NAALADL2: variants seen among roughly 807,000 people sequenced by gnomAD.
NAALADL2 encodes the protein inactive N-acetylated-alpha-linked acidic dipeptidase-like protein 2.
Under a neutral mutation model 87.2 loss-of-function variants are expected in NAALADL2, and 76 were observed. That is an observed-to-expected ratio of 0.87 (90% CI 0.72 to 1.05). NAALADL2 has a LOEUF of 1.05. Ranked by LOEUF, NAALADL2 falls within the 50% of genes least tolerant of loss-of-function variation. The pLI is 0.00. For synonymous variants in NAALADL2, 354 were observed against 331.0 expected (o/e 1.07, Z -0.75); for missense variants, 1,089 against 945.8 (o/e 1.15, Z -1.99).
At chr3:175,305,341 T>C (rs1478121608) in intron 4 of NAALADL2, among the ~76,000 whole-genome samples, 1 of 152,000 alleles carries the variant, frequency 6.6e-6, no homozygotes, top group African/African-American at 2.4e-5. Flanking sequence ...ATTATTAAAC[T>C]GTTAAATTCC....
In NAALADL2 at chr3:175,178,230, A is replaced by G. The variant is rs186316440; in HGVS notation, c.546-55701A>G. ...ACAAGGTAAGTGCTTTGTTGGTGTT[A>G]GTTATATAATTATTATTATAATAGA... is the stretch of plus-strand genomic sequence containing the variant. On this transcript the variant is annotated intron_variant, in intron 2 of 13. Transcript: ENST00000454872. Among the ~76,000 whole-genome samples, 414 of 152,168 alleles carry G rather than the reference A, an allele frequency of 2.7e-3. 3 individuals carry two copies. Among genetic ancestry groups the G allele is most frequent in the African/African-American group, 9.5e-3 (394 of 41,554 alleles).
chr3:175,755,037 A>G (rs1406140024), intron 12 of NAALADL2, among the ~76,000 whole-genome samples, 183 bp from the exon 13 acceptor site: 1 of 152,212 alleles, frequency 6.6e-6, no homozygotes, highest in Non-Finnish European at 1.5e-5. Flanking sequence ...GGTAAGATTC[A>G]AACACATATA....
chr3:175,529,185 T>C (rs1177991139), intron 9 of NAALADL2, among the ~76,000 whole-genome samples: 1 of 152,186 alleles, frequency 6.6e-6, no homozygotes, highest in Non-Finnish European at 1.5e-5. Flanking sequence ...TGTGAAGTAG[T>C]AGACTGATTT....
Position 174,584,456 on chromosome 3 carries a change from T to G in NAALADL2, c.-115+33819T>G, listed in dbSNP as rs181230598. Reference sequence around the variant, plus strand: ...TTTTAGTACATCAGATTTATTTTTCTTTTTATCATGTATATGTTAAAGATT... The same window carrying G: ...TTTTAGTACATCAGATTTATTTTTCGTTTTATCATGTATATGTTAAAGATT... On this transcript the variant is annotated intron_variant, in intron 2 of 3. Transcript: ENST00000434257. Among the ~76,000 whole-genome samples, 9 of 152,192 alleles carry G rather than the reference T, an allele frequency of 5.9e-5. No homozygotes were observed. The East Asian group carries it at 1.7e-3, about 29-fold the overall frequency.
chr3:175,074,707 A>T (rs1006319654), intron 1 of NAALADL2, among the ~76,000 whole-genome samples: 4 of 152,088 alleles, frequency 2.6e-5, no homozygotes, highest in Non-Finnish European at 5.9e-5. Flanking sequence ...CTATGCATAA[A>T]ATGATATGGC....
chr3:175,681,814 TGA>T (rs1190806364), intron 11 of NAALADL2, among the ~76,000 whole-genome samples: 1 of 152,274 alleles, frequency 6.6e-6, no homozygotes, highest in African/African-American at 2.4e-5. Flanking sequence ...ACTCAATGCT[TGA>T]AGACAGGGGC....
chr3:175,553,650 TTA>T (rs1491284176), intron 9 of NAALADL2, among the ~76,000 whole-genome samples: 1 of 26,460 alleles, frequency 3.8e-5, no homozygotes, highest in Non-Finnish European at 1.1e-4. Flanking sequence ...GGGAGAAATA[TTA>T]AAAAAAAAAA....
At chr3:175,000,359 G>C (rs1169007541) in intron 1 of NAALADL2, among the ~76,000 whole-genome samples, 1 of 152,128 alleles carries the variant, frequency 6.6e-6, no homozygotes, top group Non-Finnish European at 1.5e-5. Flanking sequence ...TATAGAGCAG[G>C]GGTTGGCAAA....
intron 11 of NAALADL2, among the ~76,000 whole-genome samples, chr3:175,658,081 T>A (rs891680845): frequency 6.6e-6 from 1 of 152,054 alleles, no homozygotes; most frequent in Non-Finnish European, 1.5e-5. Flanking sequence ...TGGTAGAAAA[T>A]GACTGATCAT....
chr3:174,528,448 G>A (rs762131718), intron 1 of NAALADL2, among the ~76,000 whole-genome samples: 1 of 152,096 alleles, frequency 6.6e-6, no homozygotes, highest in Non-Finnish European at 1.5e-5. Flanking sequence ...TGGCCAACAT[G>A]GTGAAACCTA....
At chr3:175,641,568 G>A (rs1305784200) in intron 11 of NAALADL2, among the ~76,000 whole-genome samples, 1 of 152,142 alleles carries the variant, frequency 6.6e-6, no homozygotes, top group Non-Finnish European at 1.5e-5. Flanking sequence ...CAATGTGATT[G>A]CTTCCTCTCA....
chr3:175,051,744 G>A (rs549326655), intron 1 of NAALADL2, among the ~76,000 whole-genome samples: 1 of 152,220 alleles, frequency 6.6e-6, no homozygotes, highest in Non-Finnish European at 1.5e-5. Context: ...GGGAGTCACT[G>A]TAGGGTCTGG....
intron 1 of NAALADL2, among the ~76,000 whole-genome samples, chr3:175,094,881 T>G (rs957218769): frequency 6.6e-6 from 1 of 151,786 alleles, no homozygotes; most frequent in Admixed American, 6.6e-5. Flanking sequence ...TTCTATCTCC[T>G]CTAAGAATAG....
At chr3:174,708,835 G>T (rs545401541) in intron 2 of NAALADL2, among the ~76,000 whole-genome samples, 37 of 152,234 alleles carry the variant, frequency 2.4e-4, no homozygotes, top group African/African-American at 8.2e-4. Flanking sequence ...AAATATTGAA[G>T]AGGAAAGGAA....
At chr3:174,497,061 G>T (rs1317044010) in intron 1 of NAALADL2, among the ~76,000 whole-genome samples, 1 of 152,048 alleles carries the variant, frequency 6.6e-6, no homozygotes. Context: ...TTCCTAACTA[G>T]AGTCTTGTAG....
intron 2 of NAALADL2, among the ~76,000 whole-genome samples, chr3:174,622,822 C>G (rs1165202676): frequency 6.6e-6 from 1 of 152,082 alleles, no homozygotes; most frequent in Non-Finnish European, 1.5e-5. Flanking sequence ...GGGCGAATCA[C>G]GAGGTCGGGA....
At chr3:175,290,426 T>C (rs1755510654) in intron 4 of NAALADL2, among the ~76,000 whole-genome samples, 1 of 152,122 alleles carries the variant, frequency 6.6e-6, no homozygotes, top group African/African-American at 2.4e-5. Context: ...AGTAGATCAG[T>C]GGTTTCCTAC....
intron 2 of NAALADL2, among the ~76,000 whole-genome samples, chr3:174,687,077 A>G (rs961892858): frequency 6.6e-6 from 1 of 152,124 alleles, no homozygotes; most frequent in East Asian, 1.9e-4. Flanking sequence ...ACACTGTCCT[A>G]CAATGCCTGT....
chr3:175,037,269 C>A (rs1753533262), intron 1 of NAALADL2, among the ~76,000 whole-genome samples: 1 of 152,078 alleles, frequency 6.6e-6, no homozygotes, highest in African/African-American at 2.4e-5. Context: ...TATTAGAACA[C>A]CCTTTGCTGA....
Sources: gnomAD v4.1 joint callset for allele counts (sites outside exome capture counted in the v4.1 genomes callset) on GRCh38, gnomAD v4.1.1 for gene constraint, MANE v1.5 for transcripts, NCBI Gene and HGNC (gene_info 2026-07-23, HGNC 2026-07-21) for gene names.